Variants in PIK3C2A observed in about 807,000 individuals in gnomAD.
The protein encoded by PIK3C2A is phosphatidylinositol-4-phosphate 3-kinase catalytic subunit type 2 alpha.
PIK3C2A carries 97 observed loss-of-function variants against 204.5 expected under a neutral mutation model. That is an observed-to-expected ratio of 0.47 (90% CI 0.40 to 0.56). The LOEUF (loss-of-function observed/expected upper bound fraction) is 0.56, where lower values mean the gene tolerates loss of function less well. PIK3C2A is among the 20% of genes least tolerant of loss of function. The pLI, the probability that PIK3C2A is intolerant of heterozygous loss-of-function variation, is 0.00. For synonymous variants in PIK3C2A, 653 were observed against 664.4 expected (o/e 0.98, Z 0.26); for missense variants, 1,735 against 1,969.2 (o/e 0.88, Z 2.25).
chr11:17,114,590 C>T (rs1331069624), intron 19 of PIK3C2A, 125 bp from the exon 20 acceptor site: 1 of 528,404 alleles, frequency 1.9e-6, no homozygotes, highest in African/African-American at 1.9e-5. Context: ...AAGGTTGTTA[C>T]TAAAGAGAGT....
intron 2 of PIK3C2A, among the ~76,000 whole-genome samples, chr11:17,160,208 T>C (rs1053938635): frequency 2.0e-5 from 3 of 152,218 alleles, no homozygotes; most frequent in Non-Finnish European, 4.4e-5. Context: ...TTTAAGTAAA[T>C]TGGAGCCTCA....
chr11:17,199,856 A>G (rs1422573665), intron 1 of PIK3C2A, among the ~76,000 whole-genome samples: 7 of 147,118 alleles, frequency 4.8e-5, no homozygotes, highest in Non-Finnish European at 7.4e-5. Context: ...TGGGAGGCAG[A>G]GGTTGCAGTG....
rs530925936 is a variant in PIK3C2A at position 17,168,887 on chromosome 11, C to T, written c.855G>A (p.Glu285=). The T allele has an allele frequency of 8.1e-5, 131 of 1,614,156 alleles. 2 individuals are homozygous for T. In the South Asian group the frequency reaches 1.3e-3, roughly 17 times the overall value. The change falls in exon 2 of 33, where the codon GAG becomes GAA. Residue 285 remains glutamate, a synonymous_variant. Coordinates refer to ENST00000691414, the MANE Select transcript of PIK3C2A (RefSeq NM_002645.4). ...PLSKPKVDNV[E]VLDHEEEKNV... ...TTTTCTCTTCCTCATGGTCTAATAC[C>T]TCCACATTATCCACCTTAGGCTTAC...
chr11:17,095,744 A>G (rs1018839777), intron 27 of PIK3C2A, among the ~76,000 whole-genome samples: 6 of 151,270 alleles, frequency 4.0e-5, no homozygotes, highest in African/African-American at 1.5e-4. Flanking sequence ...GCGAAACCCC[A>G]TCTCTACTAA....
chr11:17,197,059 G>A lies in PIK3C2A; in HGVS notation c.-66+10789C>T, dbSNP rs11024189. ...CACACCTATAATCCCCGCACTTTGG[G>A]AGGCTGAGGTGGGAGGATCACAAGG... is the stretch of plus-strand genomic sequence containing the variant. On this transcript the variant is annotated intron_variant, in intron 1 of 32. Coordinates refer to ENST00000691414, the MANE Select transcript of PIK3C2A (RefSeq NM_002645.4). 9.6e-3 allele frequency among the ~76,000 whole-genome samples: 1,467 copies of A among 152,066 alleles called. 9 individuals carry two copies. Among genetic ancestry groups the A allele is most frequent in the Non-Finnish European group, 0.016 (1,112 of 67,958 alleles).
At chr11:17,182,829 G>A (rs1452538142) in intron 1 of PIK3C2A, among the ~76,000 whole-genome samples, 2 of 152,022 alleles carry the variant, frequency 1.3e-5, no homozygotes, top group African/African-American at 4.8e-5. Flanking sequence ...AACATTCACT[G>A]CATTTTTATT....
chr11:17,165,343 G>T (rs1850908998), intron 2 of PIK3C2A, among the ~76,000 whole-genome samples: 1 of 152,104 alleles, frequency 6.6e-6, no homozygotes, highest in African/African-American at 2.4e-5. Flanking sequence ...CTCCAAATCA[G>T]GACTGAGTAG....
intron 22 of PIK3C2A, 102 bp downstream of exon 22, chr11:17,110,330 C>T: frequency 1.3e-6 from 1 of 765,104 alleles, no homozygotes; most frequent in Non-Finnish European, 2.1e-6. Context: ...TAAGAAACAA[C>T]TGTGATACCA....
intron 32 of PIK3C2A, 129 bp downstream of exon 32, chr11:17,091,205 A>C: frequency 2.6e-6 from 2 of 755,722 alleles, no homozygotes; most frequent in Non-Finnish European, 4.3e-6. Flanking sequence ...GTTGATAGGT[A>C]TGCAGACCAC....
intron 1 of PIK3C2A, among the ~76,000 whole-genome samples, chr11:17,178,965 A>G (rs1385766714): frequency 6.0e-5 from 9 of 150,382 alleles, no homozygotes; most frequent in African/African-American, 1.7e-4. Context: ...TCCTGACCTC[A>G]TGATCCACCC....
intron 11 of PIK3C2A, among the ~76,000 whole-genome samples, chr11:17,132,315 ATTTTTT>A (rs11307715): frequency 1.3e-5 from 1 of 78,812 alleles, no homozygotes; most frequent in African/African-American, 5.3e-5. Flanking sequence ...ATTAACTTTA[ATTTTTT>A]TTTTTTTTTT....
At chr11:17,182,436 G>GC (rs912547677) in intron 1 of PIK3C2A, among the ~76,000 whole-genome samples, 5 of 151,850 alleles carry the variant, frequency 3.3e-5, no homozygotes, top group African/African-American at 1.2e-4. Flanking sequence ...GCATGGTGGC[G>GC]CATGCCTGTA....
At chr11:17,090,465 C>T (rs1455760194) in intron 32 of PIK3C2A, among the ~76,000 whole-genome samples, 10 of 152,016 alleles carry the variant, frequency 6.6e-5, no homozygotes, top group Admixed American at 4.6e-4. Flanking sequence ...GAAACTCTGC[C>T]TCTAAAAATA....
At chr11:17,134,542 G>A (rs886433006) in intron 11 of PIK3C2A, among the ~76,000 whole-genome samples, 2 of 152,054 alleles carry the variant, frequency 1.3e-5, no homozygotes, top group African/African-American at 4.8e-5. Flanking sequence ...TGTATTTTTA[G>A]TAGAGACAGG....
At chr11:17,096,004 G>C (rs1436945183) in intron 27 of PIK3C2A, among the ~76,000 whole-genome samples, 1 of 151,382 alleles carries the variant, frequency 6.6e-6, no homozygotes, top group Non-Finnish European at 1.5e-5. Flanking sequence ...GGTTTATGGG[G>C]GGTAGTGAAG....
At chr11:17,110,336 T>C (rs2137310955) in intron 22 of PIK3C2A, 96 bp downstream of exon 22, 1 of 802,826 alleles carries the variant, frequency 1.2e-6, no homozygotes, top group Non-Finnish European at 2.0e-6. Flanking sequence ...ACAACTGTGA[T>C]ACCAGGGTAT....
intron 19 of PIK3C2A, 118 bp downstream of exon 19, chr11:17,117,373 G>T: frequency 1.7e-6 from 1 of 599,926 alleles, no homozygotes. Context: ...AATAGCATGG[G>T]TATAGTTAGA....
intron 27 of PIK3C2A, among the ~76,000 whole-genome samples, chr11:17,095,314 G>A (rs935668299): frequency 2.0e-5 from 3 of 150,914 alleles, no homozygotes; most frequent in Admixed American, 6.6e-5. Flanking sequence ...AGTGGTTCAC[G>A]CCTGTAATCC....
At chr11:17,118,369 G>C (rs61762020) in intron 18 of PIK3C2A, among the ~76,000 whole-genome samples, 1 of 152,072 alleles carries the variant, frequency 6.6e-6, no homozygotes, top group South Asian at 2.1e-4. Context: ...CACCACGCTT[G>C]GCCTCAATTT....
Sources: allele counts gnomAD v4.1 joint callset (sites outside exome capture counted in the v4.1 genomes callset), GRCh38; gene constraint gnomAD v4.1.1; transcripts MANE v1.5; gene names NCBI Gene and HGNC (gene_info 2026-07-23, HGNC 2026-07-21).